FAM178B: variants seen among roughly 807,000 people sequenced by gnomAD.
The protein encoded by FAM178B is family with sequence similarity 178 member B, also known as protein FAM178B.
Under a neutral mutation model 91.7 loss-of-function variants are expected in FAM178B, and 82 were observed. That is an observed-to-expected ratio of 0.89 (90% CI 0.75 to 1.07). FAM178B has a LOEUF of 1.07. Among genes scored for constraint, FAM178B ranks in the 50% least tolerant of loss-of-function variants. The pLI is 0.00. For missense variants in FAM178B, 769 were observed against 846.7 expected (o/e 0.91, Z 1.14); for synonymous variants, 368 against 359.4 (o/e 1.02, Z -0.27).
chr2:96,937,059 T>G (rs1488856006), intron 8 of FAM178B, among the ~76,000 whole-genome samples: 1 of 114,978 alleles, frequency 8.7e-6, no homozygotes, highest in Non-Finnish European at 1.7e-5. Flanking sequence ...GGTTTTGTTG[T>G]TGTTGTTGTT....
At chr2:96,940,707 C>T (rs1559086015) in intron 8 of FAM178B, among the ~76,000 whole-genome samples, 1 of 152,016 alleles carries the variant, frequency 6.6e-6, no homozygotes, top group Non-Finnish European at 1.5e-5. Context: ...CTTTTGGGGG[C>T]CATGGAATAT....
chr2:96,877,402 A>AT (rs897024279), intron 16 of FAM178B, among the ~76,000 whole-genome samples: 4,786 of 132,336 alleles, frequency 0.036, 223 homozygotes, highest in African/African-American at 0.1. Flanking sequence ...TGGGCACTGG[A>AT]TTTTTTTTTT....
intron 6 of FAM178B, among the ~76,000 whole-genome samples, chr2:96,957,353 C>A (rs1158445144): frequency 6.6e-6 from 1 of 152,192 alleles, no homozygotes; most frequent in Non-Finnish European, 1.5e-5. Flanking sequence ...CACTGCCCGG[C>A]AGAGGTCCCA....
intron 6 of FAM178B, among the ~76,000 whole-genome samples, chr2:96,959,213 A>G (rs2082046467): frequency 1.0e-5 from 1 of 95,714 alleles, no homozygotes; most frequent in Non-Finnish European, 1.9e-5. Context: ...AAAAAAAAAA[A>G]AAAAAAAAAA....
At chr2:96,881,089 T>C (rs997906071) in intron 14 of FAM178B, among the ~76,000 whole-genome samples, 3 of 151,546 alleles carry the variant, frequency 2.0e-5, no homozygotes, top group Non-Finnish European at 2.9e-5. Flanking sequence ...CTGGGCAACA[T>C]AGTGAGACCC....
intron 8 of FAM178B, among the ~76,000 whole-genome samples, chr2:96,937,155 C>T (rs562886048): frequency 1.3e-5 from 2 of 152,254 alleles, no homozygotes; most frequent in Admixed American, 6.5e-5. Context: ...TCTGTCCTCC[C>T]AAAGTGCTGG....
chr2:96,909,247 A>C (rs76109429), intron 12 of FAM178B, among the ~76,000 whole-genome samples: 12 of 152,190 alleles, frequency 7.9e-5, no homozygotes, highest in African/African-American at 2.9e-4. Context: ...CACACCCCCA[A>C]TAAGTGTTCA....
At chr2:96,972,469 T>A in intron 2 of FAM178B, 69 bp downstream of exon 2, 1 of 1,524,764 alleles carries the variant, frequency 6.6e-7, no homozygotes, top group Admixed American at 2.0e-5. Flanking sequence ...CCTTCAGCCA[T>A]GGGCTCTCCA....
rs375022617 is a variant in FAM178B at position 96,943,995 on chromosome 2, C to G, written c.1078+3823G>C. On this transcript the variant is annotated intron_variant, in intron 8 of 16. Coordinates refer to ENST00000490605, the MANE Select transcript of FAM178B (RefSeq NM_001122646.3). ...CGGTGGCTCACACCTCTAATCCCAG[C>G]ACTTTAGGAGGCTGAAGTGGGTGGA... Among the ~76,000 whole-genome samples the G allele has an allele frequency of 2.2e-4, 34 of 152,270 alleles. 5 individuals carry two copies. The highest frequency in any genetic ancestry group is 5.9e-4 in the Admixed American group (9 of 15,290).
At chr2:96,942,782 A>G (rs1275462009) in intron 8 of FAM178B, among the ~76,000 whole-genome samples, 1 of 152,224 alleles carries the variant, frequency 6.6e-6, no homozygotes, top group African/African-American at 2.4e-5. Flanking sequence ...AATTTAGAGT[A>G]CTAGCATAAG....
chr2:96,971,824 T>G (rs2082222270), intron 3 of FAM178B, 77 bp downstream of exon 3: 3 of 1,327,748 alleles, frequency 2.3e-6, no homozygotes, highest in East Asian at 2.7e-5. Context: ...CAGGAGAGGG[T>G]GGCCTGGGGT....
intron 14 of FAM178B, among the ~76,000 whole-genome samples, chr2:96,883,128 A>G (rs1234160753): frequency 6.6e-6 from 1 of 152,116 alleles, no homozygotes; most frequent in Non-Finnish European, 1.5e-5. Flanking sequence ...AGGCTGAGTG[A>G]CAGCAGACAG....
At chr2:96,877,190 G>A (rs2080263975) in intron 16 of FAM178B, among the ~76,000 whole-genome samples, 1 of 152,190 alleles carries the variant, frequency 6.6e-6, no homozygotes, top group South Asian at 2.1e-4. Context: ...GAGAGGACCA[G>A]GGCAGCCTGG....
intron 10 of FAM178B, 55 bp from the exon 11 acceptor site, chr2:96,921,709 C>G: frequency 6.6e-7 from 1 of 1,508,616 alleles, no homozygotes; most frequent in Non-Finnish European, 9.0e-7. Context: ...CGGGAGAGTA[C>G]TTCGAGGACC....
intron 9 of FAM178B, among the ~76,000 whole-genome samples, chr2:96,927,760 C>T (rs915729071): frequency 5.9e-5 from 9 of 152,176 alleles, no homozygotes; most frequent in South Asian, 4.1e-4. Flanking sequence ...CAGAGCAGAG[C>T]GAGACCCAGT....
chr2:96,921,055 A>G, intron 12 of FAM178B, 110 bp downstream of exon 12: 1 of 819,706 alleles, frequency 1.2e-6, no homozygotes, highest in Middle Eastern at 3.0e-4. Context: ...TGGGGATTAG[A>G]AATTGGGCAG....
chr2:96,895,852 C>T (rs758178042), intron 13 of FAM178B, among the ~76,000 whole-genome samples: 10 of 152,162 alleles, frequency 6.6e-5, no homozygotes, highest in Non-Finnish European at 1.0e-4. Flanking sequence ...GCACATCAGC[C>T]GGTTATGGGC....
chr2:96,880,371 C>G (rs1357214597), intron 14 of FAM178B, among the ~76,000 whole-genome samples: 1 of 151,670 alleles, frequency 6.6e-6, no homozygotes, highest in Admixed American at 6.6e-5. Flanking sequence ...GGAGTGGGGA[C>G]AACCTGGGGG....
Position 96,902,685 on chromosome 2 carries a change from G to T in FAM178B, c.1585C>A (p.Leu529Ile). The change falls in exon 13 of 17, where the codon CTT becomes ATT. Residue 529 changes from leucine to isoleucine, a missense_variant. Coordinates refer to ENST00000490605, the MANE Select transcript of FAM178B (RefSeq NM_001122646.3). ...CCCAGCATTCGAGCAATGACCACAA[G>T]GCTGAGCTGGCTTCGAAGCCGCCTG... ...RSRRLRSQLS[L>I]VVIARMLGQQ... 1 of 1,550,748 alleles carries T rather than the reference G, an allele frequency of 6.4e-7. No homozygotes were observed. The highest frequency in any genetic ancestry group is 1.2e-5 in the South Asian group (1 of 84,046).
Sources: gnomAD v4.1 joint callset for allele counts (sites outside exome capture counted in the v4.1 genomes callset) on GRCh38, gnomAD v4.1.1 for gene constraint, MANE v1.5 for transcripts, NCBI Gene and HGNC (gene_info 2026-07-23, HGNC 2026-07-21) for gene names.